The following RAB2B variants were observed in gnomAD, a reference collection of about 807,000 sequenced individuals.
The protein encoded by RAB2B is RAB2B, member RAS oncogene family, also known as ras-related protein Rab-2B.
A neutral mutation model predicts 29.8 loss-of-function variants in RAB2B; 20 were observed. The observed-to-expected ratio is 0.67, with a 90% CI of 0.47 to 0.97. RAB2B has a LOEUF of 0.97. RAB2B is among the 50% of genes least tolerant of loss of function. The pLI is 0.00. For missense variants in RAB2B, 218 were observed against 272.0 expected (o/e 0.80, Z 1.40); for synonymous variants, 93 against 91.7 (o/e 1.01, Z -0.08).
At chr14:21,470,704 T>C (rs544009592) in intron 3 of RAB2B, among the ~76,000 whole-genome samples, 1 of 152,322 alleles carries the variant, frequency 6.6e-6, no homozygotes, top group South Asian at 2.1e-4. Flanking sequence ...CCTCTTCTGC[T>C]ATGGTTGTAA....
At chr14:21,463,483 G>A (rs1890615020) in intron 6 of RAB2B, among the ~76,000 whole-genome samples, 173 bp downstream of exon 6, 1 of 152,102 alleles carries the variant, frequency 6.6e-6, no homozygotes, top group South Asian at 2.1e-4. Context: ...CTGAGCTCAC[G>A]CAATCTGCCT....
intron 7 of RAB2B, among the ~76,000 whole-genome samples, chr14:21,461,995 T>C (rs1418927264): frequency 6.6e-6 from 1 of 152,200 alleles, no homozygotes; most frequent in Non-Finnish European, 1.5e-5. Flanking sequence ...TTTTGTCTTG[T>C]TCCAGAATTT....
intron 3 of RAB2B, chr14:21,474,540 A>T (rs956139852): frequency 1.1e-5 from 3 of 272,922 alleles, no homozygotes; most frequent in African/African-American, 6.6e-5. Context: ...ATCATCAGTA[A>T]TGATTTCCCT....
chr14:21,474,338 T>A (rs1426653962), intron 3 of RAB2B, among the ~76,000 whole-genome samples: 1 of 152,220 alleles, frequency 6.6e-6, no homozygotes, highest in Non-Finnish European at 1.5e-5. Flanking sequence ...CAGATCTATA[T>A]GTATTGATAT....
At chr14:21,474,607 A>G in intron 3 of RAB2B, 1 of 419,312 alleles carries the variant, frequency 2.4e-6, no homozygotes, top group East Asian at 4.2e-5. Context: ...AAAAGGGGAC[A>G]TTTACTTTCT....
intron 6 of RAB2B, among the ~76,000 whole-genome samples, chr14:21,463,152 CA>C (rs1890603189): frequency 6.6e-6 from 1 of 151,672 alleles, no homozygotes; most frequent in Non-Finnish European, 1.5e-5. Context: ...TTACCCAAAG[CA>C]AAAGTAAAAC....
chr14:21,472,006 C>T (rs1381748324), intron 3 of RAB2B, among the ~76,000 whole-genome samples: 1 of 152,076 alleles, frequency 6.6e-6, no homozygotes, highest in Non-Finnish European at 1.5e-5. Context: ...TAATTAATAG[C>T]TTTCTAATCT....
In RAB2B at chr14:21,476,544, G is replaced by T. The variant is rs1413428211; in HGVS notation, c.102C>A (p.Val34=). 4 of 1,613,606 alleles carry T rather than the reference G, an allele frequency of 2.5e-6. No individual in the cohort carries two copies. The highest frequency in any genetic ancestry group is 3.4e-6 in the Non-Finnish European group (4 of 1,180,018). The change falls in exon 2 of 8, where the codon GTC becomes GTA. Residue 34 remains valine, a synonymous_variant. Transcript: ENST00000397762. The stretch of plus-strand genomic sequence containing the variant: ...TGCACTTACCTATTGTGAGGTCGTG[G>T]ACAGGCTGGAACCGCTTATCTGTAA... ...LQFTDKRFQP[V]HDLTIGVEFG...
At chr14:21,468,598 AG>A in intron 4 of RAB2B, 71 bp downstream of exon 4, 1 of 1,285,048 alleles carries the variant, frequency 7.8e-7, no homozygotes, top group Middle Eastern at 1.9e-4. Context: ...CAGAATCAGT[AG>A]ATAGAAAAAA....
In RAB2B at chr14:21,469,567, T is replaced by C. The variant is rs527781310; in HGVS notation, c.187-815A>G. Among the ~76,000 whole-genome samples, 77 of 152,354 alleles carry C rather than the reference T, an allele frequency of 5.1e-4. 1 individual carries two copies. In the South Asian group the frequency reaches 0.01, roughly 20 times the overall value. Reference sequence around the variant, plus strand: ...CATAATACTGGGTACTTTTGCTTTCTTGATGGACTAGTTCTTTTTTTTTCC... The same window carrying C: ...CATAATACTGGGTACTTTTGCTTTCCTGATGGACTAGTTCTTTTTTTTTCC... On this transcript the variant is annotated intron_variant, in intron 3 of 7. Transcript: ENST00000397762.
chr14:21,476,743 A>T, intron 1 of RAB2B, 84 bp downstream of exon 1: 5 of 979,512 alleles, frequency 5.1e-6, no homozygotes, highest in Non-Finnish European at 5.3e-6. Context: ...CGCCCAGCCC[A>T]CAAAGTGAGC....
Position 21,476,558 on chromosome 14 carries a change from G to A in RAB2B, c.88C>T (p.Arg30Trp). 6.2e-7 allele frequency: 1 copy of A among 1,613,690 alleles called. No individual in the cohort carries two copies. Among genetic ancestry groups the A allele is most frequent in the Non-Finnish European group, 8.5e-7 (1 of 1,179,994 alleles). ...SCLLLQFTDK[R>W]FQPVHDLTIG... ...GTGAGGTCGTGGACAGGCTGGAACC[G>A]CTTATCTGTAAACTGCAGGAGGAGA... Residue 30 changes from arginine to tryptophan, a missense_variant, in exon 2 of 8, where the codon CGG becomes TGG. Transcript: ENST00000397762.
chr14:21,474,966 T>C, intron 2 of RAB2B, 32 bp from the exon 3 acceptor site: 1 of 1,599,656 alleles, frequency 6.3e-7, no homozygotes. Flanking sequence ...AAGAATGTGA[T>C]TCTCACGAAC....
intron 3 of RAB2B, among the ~76,000 whole-genome samples, chr14:21,471,560 A>G (rs1156973900): frequency 2.0e-5 from 3 of 150,254 alleles, no homozygotes; most frequent in African/African-American, 7.3e-5. Context: ...TGAGGGTGCA[A>G]TGAGTGGAGA....
intron 2 of RAB2B, 96 bp downstream of exon 2, chr14:21,476,431 CT>C (rs1835095201): frequency 1.4e-6 from 2 of 1,452,790 alleles, no homozygotes; most frequent in East Asian, 4.6e-5. Flanking sequence ...TGAGGGGTAA[CT>C]TTTTACTTCG....
chr14:21,462,733 G>C (rs1015745267), intron 6 of RAB2B, among the ~76,000 whole-genome samples: 5 of 151,696 alleles, frequency 3.3e-5, no homozygotes, highest in African/African-American at 1.2e-4. Flanking sequence ...CCAGTTACTC[G>C]GGGGCCAAGG....
intron 5 of RAB2B, among the ~76,000 whole-genome samples, chr14:21,467,952 T>C (rs534111113): frequency 6.6e-6 from 1 of 152,090 alleles, no homozygotes; most frequent in African/African-American, 2.4e-5. Context: ...AATAAGCCAG[T>C]CACAAAAGCA....
intron 2 of RAB2B, among the ~76,000 whole-genome samples, chr14:21,475,530 A>C (rs1890931106): frequency 6.6e-6 from 1 of 150,396 alleles, no homozygotes; most frequent in African/African-American, 2.5e-5. Context: ...TCCTGAGTTC[A>C]AGTGATTCTC....
At chr14:21,474,733 TTC>T (rs1890906170) in intron 3 of RAB2B, 132 bp downstream of exon 3, 1 of 680,334 alleles carries the variant, frequency 1.5e-6, no homozygotes. Context: ...AATCAAAAAC[TTC>T]TCTCTTTGAT....
Sources: gnomAD v4.1 joint callset for allele counts (sites outside exome capture counted in the v4.1 genomes callset) on GRCh38, gnomAD v4.1.1 for gene constraint, MANE v1.5 for transcripts, NCBI Gene and HGNC (gene_info 2026-07-23, HGNC 2026-07-21) for gene names.